Variants in STAC observed in about 807,000 individuals in gnomAD.
STAC encodes SH3 and cysteine-rich domain-containing protein.
Under a neutral mutation model 48.8 loss-of-function variants are expected in STAC, and 43 were observed. The observed-to-expected ratio is 0.88, with a 90% confidence interval of 0.69 to 1.14. The LOEUF (loss-of-function observed/expected upper bound fraction) is 1.14. Among genes scored for constraint, STAC ranks in the 50% most tolerant of loss-of-function variants. The pLI, the probability that STAC is intolerant of heterozygous loss-of-function variation, is 0.00. For synonymous variants in STAC, 193 were observed against 179.5 expected, an observed-to-expected ratio of 1.07 and a Z score of -0.60; for missense variants, 497 against 504.0, an observed-to-expected ratio of 0.99 and a Z score of 0.13.
rs142442232 is a variant in STAC at position 36,503,723 on chromosome 3, G to A, written c.767-670G>A. Reference sequence around the variant, plus strand: ...GCTGGGATTATAGGTGTGAGCCACCGTGCCCAGCCTTCCTGCCCATTTTGT... The same window carrying A: ...GCTGGGATTATAGGTGTGAGCCACCATGCCCAGCCTTCCTGCCCATTTTGT... On this transcript the variant is annotated intron_variant, in intron 6 of 10. Transcript: ENST00000273183. 2.1e-3 allele frequency among the ~76,000 whole-genome samples: 320 copies of A among 152,126 alleles called. 1 individual carries two copies. The highest frequency in any genetic ancestry group is 7.0e-3 in the African/African-American group (290 of 41,502).
intron 2 of STAC, among the ~76,000 whole-genome samples, chr3:36,475,407 T>G (rs1697466535): frequency 2.0e-5 from 3 of 152,060 alleles, no homozygotes; most frequent in Non-Finnish European, 4.4e-5. Flanking sequence ...ATTCCAAACA[T>G]GTGATCATTC....
chr3:36,442,782 A>G (rs1433203172), intron 1 of STAC, among the ~76,000 whole-genome samples: 1 of 80,254 alleles, frequency 1.2e-5, no homozygotes, highest in Non-Finnish European at 3.3e-5. Context: ...ACACACACAC[A>G]CACACACACA....
chr3:36,519,675 C>T (rs571057457), intron 8 of STAC, among the ~76,000 whole-genome samples: 3 of 152,184 alleles, frequency 2.0e-5, no homozygotes, highest in South Asian at 2.1e-4. Context: ...GAAGTCACTC[C>T]GGTTAAAGGA....
At chr3:36,429,541 C>T (rs960202601) in intron 1 of STAC, among the ~76,000 whole-genome samples, 4 of 152,174 alleles carry the variant, frequency 2.6e-5, no homozygotes, top group Non-Finnish European at 5.9e-5. Context: ...ACATATGTAG[C>T]ATGGAAGATG....
At chr3:36,396,434 A>G (rs888578718) in intron 1 of STAC, among the ~76,000 whole-genome samples, 3 of 152,150 alleles carry the variant, frequency 2.0e-5, no homozygotes, top group Admixed American at 6.5e-5. Flanking sequence ...ATTTTCTGAT[A>G]ACACATTATT....
intron 1 of STAC, among the ~76,000 whole-genome samples, chr3:36,400,583 A>G (rs1300307299): frequency 2.0e-5 from 3 of 152,210 alleles, no homozygotes; most frequent in Non-Finnish European, 4.4e-5. Context: ...TTGGCTGCAA[A>G]CTGAAGTGCA....
At position 36,546,260 on chromosome 3, in the gene STAC, AT is replaced by A; in HGVS notation, c.1181del (p.Ile394ThrfsTer6). ...CCTCAGTGGAAAAAAGAAAGGCCTCATCCCCCTTGATGTACTAGAAAACATC... is the reference window on the plus strand; with the variant it reads ...CCTCAGTGGAAAAAAGAAAGGCCTCACCCCCTTGATGTACTAGAAAACATC... ...RVLSGKKKGL[I>X]PLDVLENI is the part of the protein sequence containing the mutation. On this transcript the variant is annotated frameshift_variant, in exon 11 of 11. Coordinates refer to ENST00000273183, the MANE Select transcript of STAC (RefSeq NM_003149.3). LOFTEE classifies it high-confidence loss of function. The A allele has an allele frequency of 1.2e-6, 2 of 1,614,052 alleles. No individual in the cohort carries two copies. Among genetic ancestry groups the A allele is most frequent in the Non-Finnish European group, 1.7e-6 (2 of 1,179,946 alleles).
chr3:36,429,672 C>G (rs757043310), intron 1 of STAC, among the ~76,000 whole-genome samples: 1 of 152,208 alleles, frequency 6.6e-6, no homozygotes, highest in Non-Finnish European at 1.5e-5. Flanking sequence ...TATGTGCCCC[C>G]ACTTCTCCTT....
intron 1 of STAC, among the ~76,000 whole-genome samples, chr3:36,393,469 G>A (rs940512381): frequency 1.3e-5 from 2 of 151,988 alleles, no homozygotes; most frequent in African/African-American, 4.8e-5. Context: ...AGTACTTGTG[G>A]AATAGGGTAG....
intron 10 of STAC, among the ~76,000 whole-genome samples, chr3:36,538,781 A>AT (rs1464486655): frequency 2.0e-5 from 3 of 152,162 alleles, no homozygotes; most frequent in African/African-American, 7.2e-5. Context: ...TATATAGGGC[A>AT]TTTTTTAAAA....
chr3:36,534,885 C>T (rs1014672077), intron 10 of STAC, among the ~76,000 whole-genome samples: 4 of 151,984 alleles, frequency 2.6e-5, no homozygotes, highest in Non-Finnish European at 2.9e-5. Flanking sequence ...AGGCTGGTCT[C>T]GAAGTCCTAG....
At chr3:36,422,486 C>T (rs1488988029) in intron 1 of STAC, among the ~76,000 whole-genome samples, 3 of 152,050 alleles carry the variant, frequency 2.0e-5, no homozygotes, top group African/African-American at 7.2e-5. Context: ...ATTATAAACT[C>T]ATCCACTAAA....
At chr3:36,496,432 C>T (rs1055255359) in intron 6 of STAC, among the ~76,000 whole-genome samples, 20 of 152,166 alleles carry the variant, frequency 1.3e-4, no homozygotes, top group Non-Finnish European at 1.3e-4. Context: ...ACAGTCACAA[C>T]CAGTTCTGCA....
chr3:36,505,842 C>T lies in STAC; in HGVS notation c.920+8C>T, dbSNP rs370629432. On this transcript the variant is annotated splice_region_variant and intron_variant, in intron 8 of 10. Transcript: ENST00000273183. Reference sequence around the variant, plus strand: ...TGAAGATTTGGAAATGAGGTAAAAACCTTCTGTAAAGAAAAAAAAGAGTAA... The same window carrying T: ...TGAAGATTTGGAAATGAGGTAAAAATCTTCTGTAAAGAAAAAAAAGAGTAA... 107 of 1,574,858 alleles carry T rather than the reference C, an allele frequency of 6.8e-5. No individual in the cohort carries two copies. Among genetic ancestry groups the T allele is most frequent in the Non-Finnish European group, 9.1e-5 (105 of 1,159,242 alleles).
At chr3:36,414,095 G>A (rs1456618273) in intron 1 of STAC, among the ~76,000 whole-genome samples, 1 of 152,114 alleles carries the variant, frequency 6.6e-6, no homozygotes, top group Non-Finnish European at 1.5e-5. Flanking sequence ...TTTCTCTCTG[G>A]CTGCCCTTAA....
chr3:36,380,710 GAGCAACCGCCCTCTCCTGC>G lies in STAC; in HGVS notation c.69_87del (p.Glu23AspfsTer13), dbSNP rs1559471490. The G allele has an allele frequency of 6.2e-7, 1 of 1,611,758 alleles. No individual in the cohort carries two copies. The highest frequency in any genetic ancestry group is 8.5e-7 in the Non-Finnish European group (1 of 1,179,252). On this transcript the variant is annotated frameshift_variant, in exon 1 of 11. Transcript: ENST00000273183. LOFTEE classifies it high-confidence loss of function. The stretch of plus-strand genomic sequence containing the variant: ...GCTGCCCAAGGAGGCGGTGGGCGCC[GAGCAACCGCCCTCTCCTGC>G]ATCCACCAGCAGCCAGGAATCCAAG...
rs371582636 is a variant in STAC at position 36,499,951 on chromosome 3, A to G, written c.767-4442A>G. Among the ~76,000 whole-genome samples, 14 of 152,312 alleles carry G rather than the reference A, an allele frequency of 9.2e-5. No homozygotes were observed. The East Asian group carries it at 1.7e-3, about 19-fold the overall frequency. On this transcript the variant is annotated intron_variant, in intron 6 of 10. Coordinates refer to ENST00000273183, the MANE Select transcript of STAC (RefSeq NM_003149.3). ...ACTAGAATTTAAAAGTGTTATTTAC[A>G]TGGTCATGTTCACTTCATCTGAAGA... is the stretch of plus-strand genomic sequence containing the variant.
chr3:36,463,516 T>A (rs1697077515), intron 2 of STAC, among the ~76,000 whole-genome samples: 1 of 152,020 alleles, frequency 6.6e-6, no homozygotes, highest in Non-Finnish European at 1.5e-5. Flanking sequence ...TTTTCTTTTT[T>A]TTTTTAATTA....
intron 10 of STAC, 142 bp from the exon 11 acceptor site, chr3:36,546,049 C>G (rs9878872): frequency 0.44 from 282,935 of 637,394 alleles, 63,703 homozygotes; most frequent in Admixed American, 0.53. Context: ...TCTCACTGTG[C>G]TGGTTTCCCA....
Sources: allele counts gnomAD v4.1 joint callset (sites outside exome capture counted in the v4.1 genomes callset), GRCh38; gene constraint gnomAD v4.1.1; transcripts MANE v1.5; gene names NCBI Gene and HGNC (gene_info 2026-07-23, HGNC 2026-07-21).